ZFHX4: variants seen among roughly 807,000 people sequenced by gnomAD.
ZFHX4 encodes the protein zinc finger homeobox protein 4.
ZFHX4 carries 56 observed loss-of-function variants against 267.6 expected under a neutral mutation model. That is an observed-to-expected ratio of 0.21 (90% CI 0.17 to 0.26). The LOEUF (loss-of-function observed/expected upper bound fraction) is 0.26, where lower values mean the gene tolerates loss of function less well. Ranked by LOEUF, ZFHX4 falls within the 10% of genes least tolerant of loss-of-function variation. The pLI is 1.00. For missense variants in ZFHX4, 4,332 were observed against 4,420.0 expected (o/e 0.98, Z 0.56); for synonymous variants, 1,778 against 1,665.6 (o/e 1.07, Z -1.64).
chr8:76,858,780 T>C (rs1251627436), intron 10 of ZFHX4, among the ~76,000 whole-genome samples: 2 of 152,192 alleles, frequency 1.3e-5, no homozygotes, highest in Admixed American at 6.5e-5. Context: ...AAAAGAACAT[T>C]ATAAGTAAAA....
At chr8:76,734,121 C>T (rs1365348284) in intron 3 of ZFHX4, among the ~76,000 whole-genome samples, 2 of 152,092 alleles carry the variant, frequency 1.3e-5, no homozygotes, top group Admixed American at 6.6e-5. Flanking sequence ...AGGCATGTAC[C>T]TTATTATTAT....
At chr8:76,770,934 C>A (rs1810247743) in intron 3 of ZFHX4, among the ~76,000 whole-genome samples, 1 of 152,072 alleles carries the variant, frequency 6.6e-6, no homozygotes. Flanking sequence ...TTGAAGCCAT[C>A]ATCATGCAGG....
intron 4 of ZFHX4, among the ~76,000 whole-genome samples, chr8:76,786,764 C>T (rs547046160): frequency 1.3e-5 from 2 of 152,232 alleles, no homozygotes; most frequent in South Asian, 2.1e-4. Context: ...AGTAGAACTT[C>T]GGGCAGGGAT....
intron 10 of ZFHX4, among the ~76,000 whole-genome samples, chr8:76,859,615 A>T (rs1283908409): frequency 2.0e-5 from 3 of 152,152 alleles, no homozygotes; most frequent in African/African-American, 7.2e-5. Context: ...TAGTGTTTGG[A>T]AATACTGCCT....
chr8:76,714,114 C>T (rs1585874597), intron 3 of ZFHX4, among the ~76,000 whole-genome samples: 1 of 152,054 alleles, frequency 6.6e-6, no homozygotes, highest in African/African-American at 2.4e-5. Context: ...CATTTATCAC[C>T]CACCCTGAGG....
chr8:76,796,808 TACAGGC>T, intron 4 of ZFHX4, among the ~76,000 whole-genome samples: 1 of 152,190 alleles, frequency 6.6e-6, no homozygotes, highest in Non-Finnish European at 1.5e-5. Flanking sequence ...CCAGGGAAAA[TACAGGC>T]TGTTTTACCA....
intron 3 of ZFHX4, among the ~76,000 whole-genome samples, chr8:76,723,237 C>T (rs1808770221): frequency 6.6e-6 from 1 of 151,890 alleles, no homozygotes; most frequent in East Asian, 1.9e-4. Flanking sequence ...TTTCCTTTTG[C>T]CTTTGGTATG....
At chr8:76,750,946 C>A (rs1040531681) in intron 3 of ZFHX4, among the ~76,000 whole-genome samples, 161 of 152,072 alleles carry the variant, frequency 1.1e-3, no homozygotes, top group African/African-American at 3.7e-3. Flanking sequence ...TTTCTCATAC[C>A]TTAAAAAACG....
At chr8:76,728,639 A>C (rs892693977) in intron 3 of ZFHX4, among the ~76,000 whole-genome samples, 6 of 152,194 alleles carry the variant, frequency 3.9e-5, no homozygotes, top group African/African-American at 1.4e-4. Context: ...CATGGTTTTT[A>C]ATAATTTAAA....
chr8:76,778,543 C>T (rs1810464876), intron 4 of ZFHX4, 104 bp downstream of exon 4: 6 of 934,346 alleles, frequency 6.4e-6, no homozygotes, highest in South Asian at 2.9e-5. Context: ...CTCTCCAACT[C>T]GAGCCTGTCC....
intron 3 of ZFHX4, among the ~76,000 whole-genome samples, chr8:76,771,133 G>A (rs1810253127): frequency 6.6e-6 from 1 of 152,138 alleles, no homozygotes; most frequent in African/African-American, 2.4e-5. Context: ...GTGTTAAGTA[G>A]AGATGTGCCT....
chr8:76,707,899 A>G lies in ZFHX4; in HGVS notation c.2944A>G (p.Lys982Glu), dbSNP rs1433599383. Residue 982 changes from lysine (K) to glutamate (E), a missense_variant, in exon 3 of 11, where the codon AAA becomes GAA. Physicochemically the swap from Lys to Glu is moderately conservative, Grantham distance 56 (BLOSUM62 1). Coordinates refer to ENST00000651372, the MANE Select transcript of ZFHX4 (RefSeq NM_024721.5). ...GGTGGCTCACATTAAAGAAGGGGGC[A>G]AAAGCAATGAGTGGAGGTTGAAGTG... ...QLVAHIKEGG[K>E]SNEWRLKCIA... 1.2e-6 allele frequency: 2 copies of G among 1,614,078 alleles called. No homozygotes were observed. The highest frequency in any genetic ancestry group is 2.2e-5 in the East Asian group (1 of 44,882).
rs1187066350 is a variant in ZFHX4, at chr8:76,852,239, C to T, written c.5318C>T (p.Ser1773Phe). Residue 1773 changes from serine (S) to phenylalanine (F), a missense_variant, in exon 10 of 11, where the codon TCC (serine) becomes TTC (phenylalanine). Physicochemically the swap from Ser to Phe is radical, Grantham distance 155. Coordinates refer to ENST00000651372, the MANE Select transcript of ZFHX4 (RefSeq NM_024721.5). ...CCTGGCATGACAGGAATGGCTGGCT[C>T]CTTGCTTGAAGACCTAAAGCAGCAG... ...GMPGMTGMAG[S>F]LLEDLKQQIQ... 1.2e-6 allele frequency: 2 copies of T among 1,609,714 alleles called. No individual in the cohort carries two copies. The highest frequency in any genetic ancestry group is 1.7e-6 in the Non-Finnish European group (2 of 1,177,518).
intron 1 of ZFHX4, among the ~76,000 whole-genome samples, chr8:76,703,281 T>G (rs932935816): frequency 2.0e-5 from 3 of 152,150 alleles, no homozygotes; most frequent in African/African-American, 7.2e-5. Flanking sequence ...ATGGTGTTCA[T>G]TACGCATTGC....
intron 4 of ZFHX4, among the ~76,000 whole-genome samples, chr8:76,824,131 T>C (rs1490578517): frequency 6.6e-6 from 1 of 152,232 alleles, no homozygotes; most frequent in Non-Finnish European, 1.5e-5. Context: ...AAGAAAAGTG[T>C]TCCTTATTGA....
rs1474549439 is a variant in ZFHX4 at position 76,681,287 on chromosome 8, T to A, written c.-380T>A. The A allele has an allele frequency of 1.0e-5, 4 of 398,138 alleles. No individual in the cohort carries two copies. Among genetic ancestry groups the A allele is most frequent in the African/African-American group, 2.1e-5 (1 of 48,594 alleles). The allele number at this position is 398,138 out of a possible 1,614,324, so 24.7% of individuals were successfully genotyped here. On this transcript the variant is annotated 5_prime_UTR_variant, in exon 1 of 11. It removes the in-frame stop codon of an upstream open reading frame in the 5' UTR. Transcript: ENST00000651372. ...CACTCAACTTAATCAGCCATTTTTT[T>A]AAACAGGGCTAAAACGATAATAATT...
chr8:76,700,395 C>T (rs1006222859), intron 1 of ZFHX4, among the ~76,000 whole-genome samples: 1 of 151,994 alleles, frequency 6.6e-6, no homozygotes, highest in Non-Finnish European at 1.5e-5. Flanking sequence ...CTCACTGGAC[C>T]GTAGAAGAGG....
chr8:76,827,773 G>A (rs1189636023), intron 4 of ZFHX4, among the ~76,000 whole-genome samples: 1 of 152,132 alleles, frequency 6.6e-6, no homozygotes, highest in Non-Finnish European at 1.5e-5. Flanking sequence ...GAGGCCCCAG[G>A]AGATAGTACT....
chr8:76,717,271 A>G (rs1280688475), intron 3 of ZFHX4, among the ~76,000 whole-genome samples: 1 of 152,198 alleles, frequency 6.6e-6, no homozygotes, highest in Non-Finnish European at 1.5e-5. Flanking sequence ...TTTTCTCTCC[A>G]TCATATGTTG....
Sources: allele counts gnomAD v4.1 joint callset (sites outside exome capture counted in the v4.1 genomes callset), GRCh38; gene constraint gnomAD v4.1.1; transcripts MANE v1.5; gene names NCBI Gene and HGNC (gene_info 2026-07-23, HGNC 2026-07-21).